Variants in PIGK observed in about 807,000 individuals in gnomAD.
PIGK encodes the protein phosphatidylinositol glycan anchor biosynthesis class K.
PIGK carries 42 observed loss-of-function variants against 50.6 expected under a neutral mutation model. The observed-to-expected ratio is 0.83, with a 90% CI of 0.65 to 1.07. The LOEUF is 1.07. PIGK is among the 50% of genes least tolerant of loss of function. The pLI is 0.00. For synonymous variants in PIGK, 151 were observed against 156.0 expected (o/e 0.97, Z 0.24); for missense variants, 448 against 488.7 (o/e 0.92, Z 0.78).
At chr1:77,129,597 G>A (rs750018102) in intron 9 of PIGK, 172 of 1,536,328 alleles carry the variant, frequency 1.1e-4, no homozygotes, top group Non-Finnish European at 2.3e-5. Flanking sequence ...TAAACCAGAA[G>A]AGGAGGTTGC....
chr1:77,112,262 G>A (rs1653870393), intron 10 of PIGK, among the ~76,000 whole-genome samples: 1 of 129,238 alleles, frequency 7.7e-6, no homozygotes, highest in African/African-American at 3.3e-5. Context: ...GCACATTAAG[G>A]TGATTTCAGG....
At chr1:77,212,204 T>C (rs556038125) in intron 1 of PIGK, among the ~76,000 whole-genome samples, 2 of 152,130 alleles carry the variant, frequency 1.3e-5, no homozygotes, top group Admixed American at 6.6e-5. Flanking sequence ...TAATAGTGGA[T>C]ATAAGCCATA....
At chr1:77,203,604 C>T (rs1656220921) in intron 3 of PIGK, among the ~76,000 whole-genome samples, 1 of 152,128 alleles carries the variant, frequency 6.6e-6, no homozygotes, top group African/African-American at 2.4e-5. Flanking sequence ...TTCTGGCAAC[C>T]TATTTATTAA....
At chr1:77,150,343 C>A (rs1481125396) in intron 9 of PIGK, among the ~76,000 whole-genome samples, 2 of 151,586 alleles carry the variant, frequency 1.3e-5, no homozygotes, top group Non-Finnish European at 2.9e-5. Flanking sequence ...CATACGGAGA[C>A]CCCCATCTCT....
intron 9 of PIGK, among the ~76,000 whole-genome samples, chr1:77,135,951 T>C (rs1260555554): frequency 6.6e-6 from 1 of 152,220 alleles, no homozygotes; most frequent in Non-Finnish European, 1.5e-5. Context: ...ATATTCAGTT[T>C]TTGCTTAAAT....
intron 3 of PIGK, among the ~76,000 whole-genome samples, chr1:77,199,783 C>T (rs1169977862): frequency 1.3e-5 from 2 of 151,978 alleles, no homozygotes; most frequent in East Asian, 1.9e-4. Flanking sequence ...TTACTTATAT[C>T]ACAGCTATCT....
At chr1:77,178,756 T>C (rs1655544401) in intron 3 of PIGK, among the ~76,000 whole-genome samples, 1 of 152,200 alleles carries the variant, frequency 6.6e-6, no homozygotes, top group Non-Finnish European at 1.5e-5. Flanking sequence ...AGGTTTTAAA[T>C]GTTTACAAGT....
At chr1:77,161,953 T>G (rs1213380673) in intron 6 of PIGK, among the ~76,000 whole-genome samples, 1 of 152,208 alleles carries the variant, frequency 6.6e-6, no homozygotes, top group Admixed American at 6.5e-5. Context: ...TCCCTCTTCC[T>G]TGTCTATGCC....
At chr1:77,158,786 A>G (rs1655068947) in intron 8 of PIGK, among the ~76,000 whole-genome samples, 1 of 152,186 alleles carries the variant, frequency 6.6e-6, no homozygotes, top group African/African-American at 2.4e-5. Flanking sequence ...TGCTGTTAAA[A>G]TCATTCAAGT....
chr1:77,214,115 C>T (rs947499191), intron 1 of PIGK, among the ~76,000 whole-genome samples: 1 of 152,044 alleles, frequency 6.6e-6, no homozygotes, highest in Non-Finnish European at 1.5e-5. Context: ...AAAGAACTAA[C>T]ACCAATTCTT....
At chr1:77,190,852 G>T (rs1489110098) in intron 3 of PIGK, among the ~76,000 whole-genome samples, 4 of 152,102 alleles carry the variant, frequency 2.6e-5, no homozygotes, top group African/African-American at 4.8e-5. Flanking sequence ...TCAACCATGT[G>T]TACCAGTAGC....
chr1:77,158,960 G>A (rs895371291), intron 8 of PIGK, among the ~76,000 whole-genome samples: 2 of 152,122 alleles, frequency 1.3e-5, no homozygotes, highest in Admixed American at 6.5e-5. Context: ...AAGTAATGAG[G>A]AGCCAAATGT....
At chr1:77,218,621 C>T (rs1656642091) in intron 1 of PIGK, among the ~76,000 whole-genome samples, 1 of 152,132 alleles carries the variant, frequency 6.6e-6, no homozygotes, top group African/African-American at 2.4e-5. Context: ...TGTCTCCTGA[C>T]TATCCCGGAT....
intron 3 of PIGK, among the ~76,000 whole-genome samples, chr1:77,196,204 C>T (rs191310824): frequency 1.2e-3 from 177 of 152,160 alleles, no homozygotes; most frequent in African/African-American, 4.1e-3. Flanking sequence ...GTATATGTAC[C>T]ACATTTTCTT....
At chr1:77,145,730 C>T (rs1001227298) in intron 9 of PIGK, among the ~76,000 whole-genome samples, 1 of 151,460 alleles carries the variant, frequency 6.6e-6, no homozygotes, top group Non-Finnish European at 1.5e-5. Context: ...TGCAAAGAAC[C>T]TAGAACACTG....
chr1:77,203,159 C>CAAT (rs74942632), intron 3 of PIGK, among the ~76,000 whole-genome samples: 14,881 of 152,128 alleles, frequency 0.098, 973 homozygotes, highest in Middle Eastern at 0.15. Flanking sequence ...TGATGAAAGA[C>CAAT]AATACTAAAC....
At chr1:77,105,029 G>C (rs565231229) in intron 10 of PIGK, among the ~76,000 whole-genome samples, 5 of 152,280 alleles carry the variant, frequency 3.3e-5, no homozygotes, top group African/African-American at 1.2e-4. Context: ...ACGCTTGGTG[G>C]GTCCTGAGCT....
chr1:77,135,250 T>G (rs1180438969), intron 9 of PIGK, among the ~76,000 whole-genome samples: 5 of 152,098 alleles, frequency 3.3e-5, no homozygotes, highest in Non-Finnish European at 7.4e-5. Flanking sequence ...AATATGTAAA[T>G]TTTTGTTTTA....
At chr1:77,133,661 T>A (rs1321613137) in intron 9 of PIGK, among the ~76,000 whole-genome samples, 2 of 152,202 alleles carry the variant, frequency 1.3e-5, no homozygotes, top group East Asian at 3.8e-4. Flanking sequence ...CTGATCACTT[T>A]TACTCATTCA....
Sources: gnomAD v4.1 joint callset for allele counts (sites outside exome capture counted in the v4.1 genomes callset) on GRCh38, gnomAD v4.1.1 for gene constraint, MANE v1.5 for transcripts, NCBI Gene and HGNC (gene_info 2026-07-23, HGNC 2026-07-21) for gene names.